Variants in GRID2 observed in about 807,000 individuals in gnomAD.
The protein encoded by GRID2 is glutamate ionotropic receptor delta type subunit 2.
GRID2 carries 33 observed loss-of-function variants against 114.8 expected under a neutral mutation model. That is an observed-to-expected ratio of 0.29 (90% confidence interval 0.22 to 0.38). The LOEUF is 0.38. Among genes scored for constraint, GRID2 ranks in the 10% least tolerant of loss-of-function variants. GRID2 has a pLI of 1.00. For synonymous variants in GRID2, 505 were observed against 449.9 expected, an observed-to-expected ratio of 1.12 and a Z score of -1.55; for missense variants, 1,184 against 1,257.7, an observed-to-expected ratio of 0.94 and a Z score of 0.89.
Position 92,408,983 on chromosome 4 carries a change from C to T in GRID2, c.88+104239C>T, listed in dbSNP as rs1237540102. On this transcript the variant is annotated intron_variant, in intron 1 of 15. Transcript: ENST00000282020. ...TTATTTTCTCTCTTGCCTGATTGTTCCTGCTAGGACTTCCAGTGCTATGTT... is the reference window on the plus strand; with the variant it reads ...TTATTTTCTCTCTTGCCTGATTGTTTCTGCTAGGACTTCCAGTGCTATGTT... Among the ~76,000 whole-genome samples the T allele has an allele frequency of 2.6e-5, 4 of 152,048 alleles. No individual in the cohort carries two copies. The East Asian group carries it at 7.7e-4, about 29-fold the overall frequency.
chr4:93,316,291 C>CGAAAGAACGAAAGAACGAAAGAAA (rs1282459325), intron 8 of GRID2, among the ~76,000 whole-genome samples: 86 of 77,156 alleles, frequency 1.1e-3, no homozygotes, highest in Middle Eastern at 7.0e-3. Context: ...AACGAAAGAA[C>CGAAAGAACGAAAGAACGAAAGAAA]GAAAGAAAGA....
intron 14 of GRID2, among the ~76,000 whole-genome samples, chr4:93,726,624 A>G (rs1272492749): frequency 6.6e-6 from 1 of 152,142 alleles, no homozygotes; most frequent in Non-Finnish European, 1.5e-5. Flanking sequence ...TGAGCATGGA[A>G]TGTTCTTCCA....
At chr4:93,783,227 C>G (rs1288496675) in intron 1 of GRID2, among the ~76,000 whole-genome samples, 1 of 152,224 alleles carries the variant, frequency 6.6e-6, no homozygotes, top group Non-Finnish European at 1.5e-5. Flanking sequence ...TCACCTGAGT[C>G]TCGTAATAAC....
chr4:93,102,789 C>T (rs1252065268), intron 3 of GRID2, among the ~76,000 whole-genome samples: 2 of 150,554 alleles, frequency 1.3e-5, no homozygotes, highest in Admixed American at 6.6e-5. Flanking sequence ...TAACTTAGAA[C>T]TATGATTCTA....
intron 2 of GRID2, among the ~76,000 whole-genome samples, chr4:92,667,025 A>C (rs1579802769): frequency 6.6e-6 from 1 of 151,514 alleles, no homozygotes; most frequent in East Asian, 1.9e-4. Context: ...GTTGTATGAA[A>C]ACTGCTCTAG....
intron 11 of GRID2, among the ~76,000 whole-genome samples, chr4:93,465,881 C>T (rs572943957): frequency 6.6e-6 from 1 of 152,232 alleles, no homozygotes; most frequent in Admixed American, 6.5e-5. Flanking sequence ...ACTACAAAAA[C>T]ATTTTTCCCT....
chr4:93,075,838 TG>T (rs1453376955), intron 2 of GRID2, among the ~76,000 whole-genome samples: 1 of 150,394 alleles, frequency 6.6e-6, no homozygotes, highest in African/African-American at 2.4e-5. Flanking sequence ...ATAATGCTTA[TG>T]AATTGGAATA....
chr4:93,217,108 T>C, intron 6 of GRID2, 197 bp downstream of exon 6: 2 of 406,516 alleles, frequency 4.9e-6, no homozygotes, highest in Non-Finnish European at 8.8e-6. Flanking sequence ...TATAGAAAAA[T>C]TTCTACTTGC....
At chr4:93,367,207 T>TA (rs2149284861) in intron 8 of GRID2, among the ~76,000 whole-genome samples, 1 of 150,784 alleles carries the variant, frequency 6.6e-6, no homozygotes, top group East Asian at 1.9e-4. Context: ...TTTTTAAGTT[T>TA]TTTTTTTTTT....
At chr4:93,000,939 G>A (rs1029442464) in intron 2 of GRID2, among the ~76,000 whole-genome samples, 33 of 151,254 alleles carry the variant, frequency 2.2e-4, no homozygotes, top group African/African-American at 8.0e-4. Context: ...AATATACCCT[G>A]TGAATCTAAA....
rs188707739 is a variant in GRID2, at chr4:92,636,645, C to T, written c.244+46359C>T. ...TGGTTTCCATTTCGTCAGACTTCAACATACTGTGAAATGGTGACATGTCAA... is the reference window on the plus strand; with the variant it reads ...TGGTTTCCATTTCGTCAGACTTCAATATACTGTGAAATGGTGACATGTCAA... On this transcript the variant is annotated intron_variant, in intron 2 of 15. Coordinates refer to ENST00000282020, the MANE Select transcript of GRID2 (RefSeq NM_001510.4). 4.5e-4 allele frequency among the ~76,000 whole-genome samples: 69 copies of T among 152,052 alleles called. 1 individual carries two copies. In the East Asian group the frequency reaches 0.012, roughly 26 times the overall value.
chr4:93,155,013 A>G (rs1177465341), intron 4 of GRID2, among the ~76,000 whole-genome samples: 1 of 151,888 alleles, frequency 6.6e-6, no homozygotes, highest in Non-Finnish European at 1.5e-5. Context: ...CTGGGTTCCT[A>G]CAATTTAATA....
rs184605081 is a variant in GRID2 at position 93,323,857 on chromosome 4, C to T, written c.1246-71750C>T. Among the ~76,000 whole-genome samples the T allele has an allele frequency of 3.6e-3, 554 of 151,966 alleles. 3 individuals carry two copies. Among genetic ancestry groups the T allele is most frequent in the African/African-American group, 0.013 (526 of 41,480 alleles). ...GATTTGGCTCTCTGTTTGTCTGTTA[C>T]TGGTGTATAAGAATGCTTGGGATTT... On this transcript the variant is annotated intron_variant, in intron 8 of 15. Transcript: ENST00000282020.
intron 4 of GRID2, among the ~76,000 whole-genome samples, chr4:93,172,583 C>G (rs1428086414): frequency 6.6e-6 from 1 of 151,072 alleles, no homozygotes; most frequent in African/African-American, 2.4e-5. Context: ...CAGGGCGAGA[C>G]TCCATCTCAA....
At chr4:93,113,175 C>G (rs1194293169) in intron 4 of GRID2, among the ~76,000 whole-genome samples, 2 of 152,172 alleles carry the variant, frequency 1.3e-5, no homozygotes, top group Non-Finnish European at 2.9e-5. Flanking sequence ...TATGTTTTAA[C>G]ACCTTTATAG....
chr4:93,342,930 C>T (rs1267125537), intron 8 of GRID2, among the ~76,000 whole-genome samples: 5 of 152,010 alleles, frequency 3.3e-5, no homozygotes, highest in Admixed American at 6.6e-5. Flanking sequence ...GCAAGGCCCC[C>T]GAGGGCAGAG....
chr4:92,815,256 G>A (rs548993346), intron 2 of GRID2, among the ~76,000 whole-genome samples: 2 of 152,040 alleles, frequency 1.3e-5, no homozygotes, highest in African/African-American at 2.4e-5. Context: ...AAAGATAACT[G>A]TGTTACATAA....
rs542641003 is a variant in GRID2 at position 92,675,531 on chromosome 4, C to G, written c.244+85245C>G. 4.0e-5 allele frequency among the ~76,000 whole-genome samples: 6 copies of G among 150,788 alleles called. No homozygotes were observed. The South Asian group carries it at 1.3e-3, about 32-fold the overall frequency. On this transcript the variant is annotated intron_variant, in intron 2 of 15. Transcript: ENST00000282020. Reference sequence around the variant, plus strand: ...ATTCTCTTTGCCCACTAAGAAACACCAGTCTCTGTTTGGGCTACAATTTTT... The same window carrying G: ...ATTCTCTTTGCCCACTAAGAAACACGAGTCTCTGTTTGGGCTACAATTTTT...
At chr4:92,467,304 T>A (rs1721805625) in intron 1 of GRID2, among the ~76,000 whole-genome samples, 2 of 151,958 alleles carry the variant, frequency 1.3e-5, no homozygotes, top group Non-Finnish European at 2.9e-5. Context: ...TCTAAACACC[T>A]TATATATTAT....
Sources: gnomAD v4.1 joint callset for allele counts (sites outside exome capture counted in the v4.1 genomes callset) on GRCh38, gnomAD v4.1.1 for gene constraint, MANE v1.5 for transcripts, NCBI Gene and HGNC (gene_info 2026-07-23, HGNC 2026-07-21) for gene names.